MYL4: variants seen among roughly 807,000 people sequenced by gnomAD.
MYL4 encodes the protein atrial myosin light chain 1.
Under a neutral mutation model 21.6 loss-of-function variants are expected in MYL4, and 16 were observed. That is an observed-to-expected ratio of 0.74 (90% confidence interval 0.50 to 1.12). The LOEUF is 1.12. Among genes scored for constraint, MYL4 ranks in the 50% most tolerant of loss-of-function variants. The pLI, the probability that MYL4 is intolerant of heterozygous loss-of-function variation, is 0.00. For synonymous variants in MYL4, 82 were observed against 95.7 expected (o/e 0.86, Z 0.83); for missense variants, 249 against 252.9 (o/e 0.98, Z 0.11).
chr17:47,197,618 G>A (rs913217967), upstream of MYL4, among the ~76,000 whole-genome samples: 1 of 152,128 alleles, frequency 6.6e-6, no homozygotes, highest in Non-Finnish European at 1.5e-5. Context: ...AGTAGAAACT[G>A]TACTTCAGAT....
chr17:47,213,763 C>T (rs2064793164), intron 1 of MYL4, 36 bp from the exon 2 acceptor site: 1 of 1,612,990 alleles, frequency 6.2e-7, no homozygotes, highest in Non-Finnish European at 8.5e-7. Flanking sequence ...CTGCTTTTAG[C>T]AATCCAAGCC....
At chr17:47,191,170 C>T in the MYL4 span, among the ~76,000 whole-genome samples, 1 of 152,202 alleles carries the variant, frequency 6.6e-6, no homozygotes, top group Non-Finnish European at 1.5e-5. Flanking sequence ...CTCAGAGCCA[C>T]CCTGGATTCA....
chr17:47,204,568 T>C (rs1203944500), upstream of MYL4, among the ~76,000 whole-genome samples: 1 of 152,048 alleles, frequency 6.6e-6, no homozygotes, highest in Admixed American at 6.6e-5. Context: ...AACTGAGGCA[T>C]GAAGAAGTTA....
At chr17:47,227,156 G>A (rs1016557883), downstream of MYL4, among the ~76,000 whole-genome samples, 2 of 151,974 alleles carry the variant, frequency 1.3e-5, no homozygotes, top group African/African-American at 2.4e-5. Context: ...GCGCCCAGCC[G>A]GGAAGCATTT....
chr17:47,216,374 G>C (rs2064814754), intron 2 of MYL4, among the ~76,000 whole-genome samples: 1 of 150,440 alleles, frequency 6.6e-6, no homozygotes, highest in Admixed American at 6.6e-5. Context: ...TGCATACCAG[G>C]CTTCCCAGCA....
chr17:47,201,075 G>A (rs1195382546), intron 1 of MYL4, among the ~76,000 whole-genome samples: 1 of 152,204 alleles, frequency 6.6e-6, no homozygotes, highest in Non-Finnish European at 1.5e-5. Context: ...AGGAGGCTGA[G>A]GCAGAAGAAT....
upstream of MYL4, among the ~76,000 whole-genome samples, chr17:47,199,097 C>T (rs981496048): frequency 2.0e-5 from 3 of 151,580 alleles, no homozygotes; most frequent in East Asian, 1.9e-4. Context: ...CAAATTTAGC[C>T]GGGCGTGGTG....
intron 4 of MYL4, 128 bp from the exon 5 acceptor site, chr17:47,222,252 C>A: frequency 1.1e-6 from 1 of 907,292 alleles, no homozygotes; most frequent in Non-Finnish European, 1.8e-6. Flanking sequence ...CTGGGAGAGG[C>A]TTGGTTTGAA....
At chr17:47,209,141 C>A, upstream of MYL4, 3 of 550,198 alleles carry the variant, frequency 5.5e-6, no homozygotes, top group Non-Finnish European at 9.7e-6. Context: ...AAGAAGGGAT[C>A]AGCCTGTCCT....
rs201117675 is a variant in MYL4 at position 47,221,763 on chromosome 17, A to T, written c.395A>T (p.Tyr132Phe). ...TCCCGCAACAAGGAGCAGGGCACCT[A>T]TGAGGACTTCGTGGAGGGCCTGCGT... ...HISRNKEQGT[Y>F]EDFVEGLRVF... Residue 132 changes from tyrosine to phenylalanine, a missense_variant, in exon 4 of 7, where the codon TAT (tyrosine) becomes TTT (phenylalanine). Transcript: ENST00000393450. 40 of 1,614,128 alleles carry T rather than the reference A, an allele frequency of 2.5e-5. No homozygotes were observed. The East Asian group carries it at 8.7e-4, about 35-fold the overall frequency.
upstream of MYL4, chr17:47,209,082 A>AT (rs2064751951): frequency 4.9e-6 from 2 of 408,696 alleles, no homozygotes; most frequent in Non-Finnish European, 8.9e-6. Flanking sequence ...GCTCCGGCAT[A>AT]TTTGAGAAGG....
intron 1 of MYL4, among the ~76,000 whole-genome samples, chr17:47,201,366 G>A (rs72823452): frequency 6.6e-6 from 1 of 152,028 alleles, no homozygotes; most frequent in Non-Finnish European, 1.5e-5. Flanking sequence ...TATATACAGA[G>A]GATTGGGTTA....
Position 47,209,459 on chromosome 17 carries a change from G to A in MYL4, c.37G>A (p.Ala13Thr). The change falls in exon 1 of 7, where the codon GCC becomes ACC. Residue 13 changes from alanine to threonine, a missense_variant. By Grantham distance (58) the Ala-to-Thr change is moderately conservative. Coordinates refer to ENST00000393450, the MANE Select transcript of MYL4 (RefSeq NM_002476.2). ...GAAGCCTGAGCCTAAGAAGGAGGCA[G>A]CCAAGCCAGCTCCAGCTCCAGCTCC... The part of the protein sequence containing the change: ...PKKPEPKKEA[A>T]KPAPAPAPAP... The A allele has an allele frequency of 6.2e-7, 1 of 1,614,204 alleles. No homozygotes were observed. Among genetic ancestry groups the A allele is most frequent in the Non-Finnish European group, 8.5e-7 (1 of 1,180,040 alleles).
At position 47,213,152 on chromosome 17, in the gene MYL4, T is replaced by A. The variant is rs77503677; in HGVS notation, c.136-647T>A. Among the ~76,000 whole-genome samples, 1,214 of 152,260 alleles carry A rather than the reference T, an allele frequency of 8.0e-3. 35 individuals carry two copies. The East Asian group carries it at 0.098, about 12-fold the overall frequency. ...ACAGTGAGGGCAGTTTGTGGGTGGC[T>A]AGGATGAAGAATTTACCTCAGACCC... On this transcript the variant is annotated intron_variant, in intron 1 of 6. Coordinates refer to ENST00000393450, the MANE Select transcript of MYL4 (RefSeq NM_002476.2).
Position 47,210,056 on chromosome 17 carries a change from C to T in MYL4, c.135+499C>T, listed in dbSNP as rs558834423. On this transcript the variant is annotated intron_variant, in intron 1 of 6. Coordinates refer to ENST00000393450, the MANE Select transcript of MYL4 (RefSeq NM_002476.2). Reference sequence around the variant, plus strand: ...AAGGCTTCACTCACAAACACTCTTACGGCAGGTGAGGGCAGGGTGGGAAGG... The same window carrying T: ...AAGGCTTCACTCACAAACACTCTTATGGCAGGTGAGGGCAGGGTGGGAAGG... Among the ~76,000 whole-genome samples, 333 of 152,258 alleles carry T rather than the reference C, an allele frequency of 2.2e-3. 4 individuals are homozygous for T. Among genetic ancestry groups the T allele is most frequent in the African/African-American group, 7.4e-3 (309 of 41,538 alleles).
intron 3 of MYL4, among the ~76,000 whole-genome samples, chr17:47,220,812 A>G (rs1297130462): frequency 6.6e-6 from 1 of 152,146 alleles, no homozygotes; most frequent in African/African-American, 2.4e-5. Flanking sequence ...ACACACACAC[A>G]TGCTTCTCCT....
At chr17:47,223,268 T>C in intron 6 of MYL4, 1 of 558,750 alleles carries the variant, frequency 1.8e-6, no homozygotes, top group African/African-American at 1.9e-5. Flanking sequence ...ATCAGTCACA[T>C]CCTCTTGCCT....
upstream of MYL4, among the ~76,000 whole-genome samples, chr17:47,207,660 T>C (rs1436510976): frequency 5.3e-5 from 8 of 152,246 alleles, no homozygotes; most frequent in Admixed American, 5.2e-4. Flanking sequence ...TATTCCTCTT[T>C]TCCTCTGAAC....
chr17:47,192,246 T>C, the MYL4 span, among the ~76,000 whole-genome samples: 2 of 151,320 alleles, frequency 1.3e-5, no homozygotes, highest in African/African-American at 4.9e-5. Flanking sequence ...CCCAGCTACT[T>C]GGGAGGCTGA....
Sources: allele counts gnomAD v4.1 joint callset (sites outside exome capture counted in the v4.1 genomes callset), GRCh38; gene constraint gnomAD v4.1.1; transcripts MANE v1.5; gene names NCBI Gene and HGNC (gene_info 2026-07-23, HGNC 2026-07-21).